USP28: variants seen among roughly 807,000 people sequenced by gnomAD.
USP28 encodes ubiquitin specific peptidase 28.
Under a neutral mutation model 145.0 loss-of-function variants are expected in USP28, and 113 were observed. The ratio of observed to expected loss-of-function variants is 0.78; its 90% CI spans 0.67 to 0.91. The LOEUF (loss-of-function observed/expected upper bound fraction) is 0.91, where lower values mean the gene tolerates loss of function less well. USP28 is among the 40% of genes least tolerant of loss of function. The probability of loss-of-function intolerance (pLI) is 0.00; values close to 1 mark genes in which losing one functional copy is unlikely to be tolerated. For synonymous variants in USP28, 447 were observed against 450.9 expected, an observed-to-expected ratio of 0.99 and a Z score of 0.11; for missense variants, 1,201 against 1,289.6, an observed-to-expected ratio of 0.93 and a Z score of 1.05.
intron 1 of USP28, among the ~76,000 whole-genome samples, chr11:113,875,156 C>T (rs572240607): frequency 6.6e-6 from 1 of 152,330 alleles, no homozygotes; most frequent in South Asian, 2.1e-4. Flanking sequence ...CCTTACTGAT[C>T]CCTGCGGCGG....
chr11:113,854,136 C>A, intron 2 of USP28, 122 bp downstream of exon 2: 1 of 848,788 alleles, frequency 1.2e-6, no homozygotes, highest in Non-Finnish European at 1.8e-6. Context: ...AGTCATTTGA[C>A]CTGTAGAGCT....
Position 113,852,491 on chromosome 11 carries a change from T to C in USP28, c.268+10A>G. The C allele has an allele frequency of 6.2e-7, 1 of 1,614,136 alleles. No individual in the cohort carries two copies. Among genetic ancestry groups the C allele is most frequent in the Non-Finnish European group, 8.5e-7 (1 of 1,180,004 alleles). ...CAGCAAAGGACCAAGACAGGATATA[T>C]GGTACCTACTTGCTAATACTTCCTT... On this transcript the variant is annotated intron_variant, in intron 3 of 24. Coordinates refer to ENST00000003302, the Ensembl canonical transcript of USP28.
Position 113,808,424 on chromosome 11 carries a change from G to A in USP28, c.2178C>T (p.Ala726=), listed in dbSNP as rs1158701495. ...ACAAGCAGCGAACCCCATGAGAAGAGGCTACTGAAGGCTCTGATAAAGAAT... is the reference window on the plus strand; with the variant it reads ...ACAAGCAGCGAACCCCATGAGAAGAAGCTACTGAAGGCTCTGATAAAGAAT... Residue 726 remains alanine (A), a synonymous_variant, in exon 18 of 25, where the codon GCC becomes GCT. Coordinates refer to ENST00000003302, the Ensembl canonical transcript of USP28. 1.9e-6 allele frequency: 3 copies of A among 1,614,044 alleles called. No individual in the cohort carries two copies. The South Asian group carries it at 3.3e-5, about 18-fold the overall frequency.
chr11:113,826,112 G>A (rs763567169), intron 11 of USP28, among the ~76,000 whole-genome samples: 12 of 151,778 alleles, frequency 7.9e-5, no homozygotes, highest in South Asian at 2.1e-4. Context: ...GTGAAACCCC[G>A]TCTCTACTAA....
chr11:113,853,412 A>G (rs1946701533), intron 2 of USP28, among the ~76,000 whole-genome samples: 1 of 152,032 alleles, frequency 6.6e-6, no homozygotes. Context: ...ATATACCAGG[A>G]AAGGGAATAA....
At chr11:113,803,659 G>T in intron 22 of USP28, 139 bp downstream of exon 23, 1 of 656,850 alleles carries the variant, frequency 1.5e-6, no homozygotes, top group Non-Finnish European at 2.6e-6. Flanking sequence ...CAAAACCAAA[G>T]CACTGCAAGA....
chr11:113,831,816 T>C, intron 8 of USP28, 104 bp downstream of exon 8: 1 of 1,152,120 alleles, frequency 8.7e-7, no homozygotes, highest in Non-Finnish European at 1.2e-6. Context: ...GAGGTATGGT[T>C]AAAAACCAGC....
At chr11:113,806,606 C>A in intron 18 of USP28, 22 bp from the exon 20 acceptor site, 2 of 1,501,322 alleles carry the variant, frequency 1.3e-6, no homozygotes, top group African/African-American at 1.4e-5. Flanking sequence ...GGGCACAAAA[C>A]ACAGAGAGAA....
At chr11:113,805,259 C>CT (rs5794882) in intron 19 of USP28, among the ~76,000 whole-genome samples, 140,940 of 144,606 alleles carry the variant, frequency 0.97, 68,669 homozygotes, top group East Asian at 1. Context: ...ACATACTGTA[C>CT]TTTTTTTTTT....
At chr11:113,824,713 C>T (rs1943090095) in intron 11 of USP28, among the ~76,000 whole-genome samples, 1 of 151,468 alleles carries the variant, frequency 6.6e-6, no homozygotes, top group South Asian at 2.1e-4. Context: ...GGCGGATTAC[C>T]TGAGGACGGG....
At chr11:113,813,778 T>G in intron 15 of USP28, 107 bp downstream of exon 15, 1 of 836,162 alleles carries the variant, frequency 1.2e-6, no homozygotes, top group Non-Finnish European at 1.9e-6. Context: ...TTTATTCTTT[T>G]ATCTTAGGGG....
intron 1 of USP28, among the ~76,000 whole-genome samples, chr11:113,857,383 TATAAA>T (rs1947175744): frequency 1.3e-5 from 2 of 152,348 alleles, no homozygotes; most frequent in South Asian, 4.1e-4. Flanking sequence ...TTTTGCTTCA[TATAAA>T]ATCAAATTTA....
chr11:113,874,423 GAAAAAAAAAA>G (rs778295743), intron 1 of USP28: 350 of 414,032 alleles, frequency 8.5e-4, no homozygotes, highest in African/African-American at 1.1e-3. Context: ...AGACTCTGTC[GAAAAAAAAAA>G]AAAAAAAAAA....
At chr11:113,819,627 T>C (rs537283902) in intron 12 of USP28, among the ~76,000 whole-genome samples, 20 of 152,340 alleles carry the variant, frequency 1.3e-4, no homozygotes, top group African/African-American at 3.8e-4. Flanking sequence ...ATCTGAAATT[T>C]ATAATCATTT....
chr11:113,826,714 G>A (rs4938053), intron 11 of USP28, among the ~76,000 whole-genome samples: 77,260 of 151,532 alleles, frequency 0.51, 20,827 homozygotes, highest in Non-Finnish European at 0.6. Context: ...GAGGTCGGGA[G>A]TTCGCGACCA....
intron 18 of USP28, 50 bp from the exon 20 acceptor site, chr11:113,806,634 C>A: frequency 7.6e-7 from 1 of 1,316,392 alleles, no homozygotes; most frequent in South Asian, 1.4e-5. Flanking sequence ...AAGAAAGGTT[C>A]AGCAGAAGAC....
At chr11:113,798,999 CG>C (rs1222180716) in exon 25 of USP28, 2 of 330,756 alleles carry the variant, frequency 6.0e-6, no homozygotes, top group African/African-American at 4.3e-5. Flanking sequence ...GGTCTTCTGG[CG>C]TAATTCAACA....
At chr11:113,854,486 C>G (rs950121419) in intron 1 of USP28, 151 bp from the exon 2 acceptor site, 3 of 636,162 alleles carry the variant, frequency 4.7e-6, no homozygotes, top group Non-Finnish European at 7.9e-6. Flanking sequence ...ACTGCAACCT[C>G]CGCCTCCCAG....
At chr11:113,864,150 A>G (rs1208474046) in intron 1 of USP28, among the ~76,000 whole-genome samples, 1 of 151,912 alleles carries the variant, frequency 6.6e-6, no homozygotes, top group Admixed American at 6.6e-5. Context: ...CTGAGGCGGG[A>G]GAATCCCTTG....
Sources: allele counts gnomAD v4.1 joint callset (sites outside exome capture counted in the v4.1 genomes callset), GRCh38; gene constraint gnomAD v4.1.1; transcripts MANE v1.5; gene names NCBI Gene and HGNC (gene_info 2026-07-23, HGNC 2026-07-21).